Variants in TSACC observed in about 807,000 individuals in gnomAD.
TSACC encodes TSSK6-activating co-chaperone protein.
TSACC carries 3 observed loss-of-function variants against 6.9 expected under a neutral mutation model. That is an observed-to-expected ratio of 0.43 (90% CI 0.20 to 1.12). The LOEUF (loss-of-function observed/expected upper bound fraction) is 1.12, where lower values mean the gene tolerates loss of function less well. Ranked by LOEUF, TSACC falls within the 50% of genes most tolerant of loss-of-function variation. TSACC has a pLI of 0.28. For missense variants in TSACC, 137 were observed against 143.9 expected (o/e 0.95, Z 0.24); for synonymous variants, 54 against 55.1 (o/e 0.98, Z 0.09).
chr1:156,338,484 C>A (rs1665573966), upstream of TSACC: 1 of 522,374 alleles, frequency 1.9e-6, no homozygotes, highest in Admixed American at 3.3e-5. Flanking sequence ...CGCTCCCGGC[C>A]GCGTGCAGCG....
At chr1:156,338,217 TG>T, upstream of TSACC, 2 of 1,576,488 alleles carry the variant, frequency 1.3e-6, no homozygotes, top group Non-Finnish European at 1.7e-6. Flanking sequence ...TACCCAGAGC[TG>T]GGGGAACCGG....
chr1:156,345,492 G>A lies in TSACC; in HGVS notation c.163+784G>A, dbSNP rs546082586. Among the ~76,000 whole-genome samples, 3 of 152,132 alleles carry A rather than the reference G, an allele frequency of 2.0e-5. No homozygotes were observed. The East Asian group carries it at 5.8e-4, about 29-fold the overall frequency. ...GCAGGAGAATTGCTTGAACCTGGGA[G>A]GCGGAGGTTGCAGTGAGCCAAGACT... On this transcript the variant is annotated intron_variant, in intron 3 of 3. Coordinates refer to ENST00000368254, the MANE Select transcript of TSACC (RefSeq NM_001304817.2).
At chr1:156,341,384 T>A (rs558515392) in intron 2 of TSACC, among the ~76,000 whole-genome samples, 6 of 152,296 alleles carry the variant, frequency 3.9e-5, no homozygotes, top group Non-Finnish European at 8.8e-5. Context: ...GCCACAAGAC[T>A]CTCATAGCAC....
intron 1 of TSACC, among the ~76,000 whole-genome samples, chr1:156,339,302 T>C (rs1325076936): frequency 6.6e-6 from 1 of 151,458 alleles, no homozygotes; most frequent in East Asian, 1.9e-4. Flanking sequence ...TGCTTTGAGA[T>C]TTTTTTCCCC....
At chr1:156,338,444 A>C (rs1004552008), upstream of TSACC, 2 of 568,856 alleles carry the variant, frequency 3.5e-6, no homozygotes, top group Admixed American at 3.1e-5. Flanking sequence ...AGGCACTGGG[A>C]GGGCACAGGC....
chr1:156,344,484 GC>G, intron 2 of TSACC, 95 bp from the exon 3 acceptor site: 2 of 1,496,392 alleles, frequency 1.3e-6, no homozygotes, highest in Non-Finnish European at 1.8e-6. Flanking sequence ...TCACGGCAGG[GC>G]CTGGGCACCT....
intron 2 of TSACC, among the ~76,000 whole-genome samples, chr1:156,340,185 G>A (rs932819152): frequency 1.3e-5 from 2 of 152,138 alleles, no homozygotes; most frequent in South Asian, 4.1e-4. Flanking sequence ...TTTAGACGGA[G>A]TCTCGCTCTG....
intron 1 of TSACC, among the ~76,000 whole-genome samples, 160 bp from the exon 2 acceptor site, chr1:156,339,474 G>T (rs180983653): frequency 6.6e-6 from 1 of 152,174 alleles, no homozygotes; most frequent in East Asian, 1.9e-4. Context: ...AGACGTTTAA[G>T]GTTTGGGTTT....
chr1:156,344,833 GTGATAGCTTGT>G, intron 3 of TSACC, 125 bp downstream of exon 3: 4 of 1,195,524 alleles, frequency 3.3e-6, no homozygotes, highest in Non-Finnish European at 4.6e-6. Context: ...AGATCTTTCC[GTGATAGCTTGT>G]TGATTATTTA....
At chr1:156,345,704 C>T (rs1666132619) in intron 3 of TSACC, among the ~76,000 whole-genome samples, 1 of 151,338 alleles carries the variant, frequency 6.6e-6, no homozygotes, top group Non-Finnish European at 1.5e-5. Context: ...CCCATCTCTA[C>T]TAAAAATACA....
chr1:156,341,949 C>T (rs1021256893), intron 2 of TSACC, among the ~76,000 whole-genome samples: 1 of 151,422 alleles, frequency 6.6e-6, no homozygotes, highest in African/African-American at 2.4e-5. Context: ...GTAGTCCCAG[C>T]TACTTGGGAG....
intron 3 of TSACC, 74 bp from the exon 4 acceptor site, chr1:156,346,694 C>A: frequency 1.4e-6 from 2 of 1,433,458 alleles, no homozygotes; most frequent in South Asian, 1.2e-5. Context: ...TTATTAGGGT[C>A]CTTCCAACCT....
At chr1:156,343,760 G>A (rs1666021496) in intron 2 of TSACC, among the ~76,000 whole-genome samples, 1 of 151,920 alleles carries the variant, frequency 6.6e-6, no homozygotes, top group African/African-American at 2.4e-5. Context: ...TTTTTTTTGA[G>A]AAGGAATCTC....
At chr1:156,343,250 T>G (rs1208938221) in intron 2 of TSACC, among the ~76,000 whole-genome samples, 1 of 152,220 alleles carries the variant, frequency 6.6e-6, no homozygotes, top group East Asian at 1.9e-4. Flanking sequence ...TACTCAAACT[T>G]CTTTAAGTAA....
At chr1:156,341,919 G>T (rs1056481240) in intron 2 of TSACC, among the ~76,000 whole-genome samples, 1 of 151,902 alleles carries the variant, frequency 6.6e-6, no homozygotes, top group African/African-American at 2.4e-5. Flanking sequence ...AAAATTAGCC[G>T]GGCATTGTAG....
chr1:156,339,837 TC>T, intron 2 of TSACC, 46 bp downstream of exon 2: 1 of 1,604,930 alleles, frequency 6.2e-7, no homozygotes, highest in Non-Finnish European at 8.5e-7. Context: ...AAGCAAGACC[TC>T]CTTTGCATTC....
At chr1:156,346,683 T>G in intron 3 of TSACC, 85 bp from the exon 4 acceptor site, 1 of 1,366,624 alleles carries the variant, frequency 7.3e-7, no homozygotes, top group South Asian at 1.3e-5. Context: ...GAGAGGTCAT[T>G]TTATTAGGGT....
At chr1:156,338,094 A>G (rs1570943844), upstream of TSACC, 7 of 1,552,484 alleles carry the variant, frequency 4.5e-6, no homozygotes, top group East Asian at 2.3e-5. Context: ...GGCAACACTG[A>G]AAAGTATGGA....
At chr1:156,345,142 C>G (rs1298080796) in intron 3 of TSACC, among the ~76,000 whole-genome samples, 2 of 152,240 alleles carry the variant, frequency 1.3e-5, no homozygotes, top group African/African-American at 4.8e-5. Context: ...GGGAACCCAA[C>G]AGGGCACTAA....
Sources: allele counts gnomAD v4.1 joint callset (sites outside exome capture counted in the v4.1 genomes callset), GRCh38; gene constraint gnomAD v4.1.1; transcripts MANE v1.5; gene names NCBI Gene and HGNC (gene_info 2026-07-23, HGNC 2026-07-21).